Variants in DOCK1 observed in about 807,000 individuals in gnomAD.
DOCK1 encodes the protein dedicator of cytokinesis 1, also known as dedicator of cytokinesis protein 1.
In DOCK1, 138 loss-of-function variants were observed where a neutral mutation model predicts 262.7. The ratio of observed to expected loss-of-function variants is 0.53; its 90% CI spans 0.46 to 0.61. DOCK1 has a LOEUF of 0.61. DOCK1 is among the 20% of genes least tolerant of loss of function. The pLI is 0.00. For synonymous variants in DOCK1, 866 were observed against 867.4 expected (o/e 1.00, Z 0.03); for missense variants, 1,908 against 2,370.7 (o/e 0.80, Z 4.05).
chr10:127,184,892 G>A (rs1409937065), intron 27 of DOCK1, among the ~76,000 whole-genome samples: 4 of 152,198 alleles, frequency 2.6e-5, no homozygotes, highest in Non-Finnish European at 5.9e-5. Flanking sequence ...AACAGTGCAT[G>A]CCTGGGGTGA....
chr10:126,908,312 A>T (rs537400896), intron 1 of DOCK1, among the ~76,000 whole-genome samples: 234 of 152,234 alleles, frequency 1.5e-3, no homozygotes, highest in African/African-American at 5.5e-3. Flanking sequence ...CTAAGGGAAA[A>T]TTACTGGAGG....
intron 12 of DOCK1, chr10:127,016,455 C>G (rs1177081830): frequency 1.3e-5 from 2 of 152,258 alleles, no homozygotes; most frequent in African/African-American, 2.4e-5. Flanking sequence ...CAGGGCTGCT[C>G]CCGTCAGGGA....
At chr10:127,374,268 A>G in intron 35 of DOCK1, 54 bp downstream of exon 35, 1 of 1,552,310 alleles carries the variant, frequency 6.4e-7, no homozygotes, top group Non-Finnish European at 8.7e-7. Flanking sequence ...CCAGAAACTG[A>G]AGCGGGGATT....
intron 26 of DOCK1, among the ~76,000 whole-genome samples, chr10:127,126,836 A>G (rs2049994477): frequency 6.6e-6 from 1 of 152,060 alleles, no homozygotes; most frequent in South Asian, 2.1e-4. Context: ...CCACGCCCAT[A>G]TACCTGGCCA....
Position 127,288,273 on chromosome 10 carries a change from C to A in DOCK1, c.3044+30844C>A, listed in dbSNP as rs547751127. Reference sequence around the variant, plus strand: ...CTGCTTAAGTAGTCTTTGATAATGGCTTTCTTTTTGATGTGACAAAATATC... The same window carrying A: ...CTGCTTAAGTAGTCTTTGATAATGGATTTCTTTTTGATGTGACAAAATATC... On this transcript the variant is annotated intron_variant, in intron 29 of 51. Transcript: ENST00000623213. Among the ~76,000 whole-genome samples the A allele has an allele frequency of 2.0e-5, 3 of 152,252 alleles. No homozygotes were observed. In the South Asian group the frequency reaches 6.2e-4, roughly 32 times the overall value.
intron 23 of DOCK1, among the ~76,000 whole-genome samples, chr10:127,092,824 A>T (rs1487071912): frequency 6.6e-6 from 1 of 152,146 alleles, no homozygotes; most frequent in Non-Finnish European, 1.5e-5. Context: ...ATTGGTCAGA[A>T]ACAGAATGAA....
intron 23 of DOCK1, among the ~76,000 whole-genome samples, chr10:127,089,806 T>A (rs897479164): frequency 2.6e-5 from 4 of 152,252 alleles, no homozygotes; most frequent in African/African-American, 9.6e-5. Context: ...CAACTAGCTT[T>A]TCCTTTGGAG....
chr10:127,429,865 T>A (rs2069166010), intron 47 of DOCK1, among the ~76,000 whole-genome samples: 1 of 151,572 alleles, frequency 6.6e-6, no homozygotes, highest in African/African-American at 2.4e-5. Context: ...GCCCACAGCG[T>A]GCAGGAGGCA....
At chr10:126,963,330 C>T (rs1466631356) in intron 1 of DOCK1, among the ~76,000 whole-genome samples, 1 of 152,104 alleles carries the variant, frequency 6.6e-6, no homozygotes, top group Non-Finnish European at 1.5e-5. Flanking sequence ...ACTCCATGAA[C>T]ACAAATATTT....
At chr10:127,363,135 T>G (rs1026893817) in intron 33 of DOCK1, among the ~76,000 whole-genome samples, 1 of 145,866 alleles carries the variant, frequency 6.9e-6, no homozygotes. Context: ...GTACTAATGG[T>G]TTGGCCATGA....
intron 29 of DOCK1, among the ~76,000 whole-genome samples, chr10:127,322,303 C>T (rs561703388): frequency 2.0e-5 from 3 of 148,922 alleles, no homozygotes; most frequent in Middle Eastern, 3.4e-3. Flanking sequence ...GATCCTCCCG[C>T]CTTAGCCTCC....
At chr10:126,978,099 C>A in intron 3 of DOCK1, 111 bp downstream of exon 3, 1 of 1,080,842 alleles carries the variant, frequency 9.3e-7, no homozygotes, top group Non-Finnish European at 1.4e-6. Flanking sequence ...ATCTCTTTCT[C>A]TGAATTTAAA....
rs2068423592 is a variant in DOCK1, at chr10:127,420,305, G to T, written c.4776+556G>T. Among the ~76,000 whole-genome samples the T allele has an allele frequency of 1.3e-5, 2 of 152,164 alleles. 1 individual carries two copies. The highest frequency in any genetic ancestry group is 2.9e-5 in the Non-Finnish European group (2 of 68,036). The stretch of plus-strand genomic sequence containing the variant: ...CCCAGAGGGCCAGCATCTTGAAAGG[G>T]CAGACCCTGGGTGCCTTGGGTTTAA... On this transcript the variant is annotated intron_variant, in intron 46 of 51. Coordinates refer to ENST00000623213, the MANE Select transcript of DOCK1 (RefSeq NM_001290223.2).
intron 42 of DOCK1, among the ~76,000 whole-genome samples, chr10:127,410,524 A>T (rs985026829): frequency 1.4e-4 from 22 of 152,160 alleles, no homozygotes; most frequent in African/African-American, 5.1e-4. Flanking sequence ...AATAATAAAC[A>T]CATACGTTGA....
At chr10:127,079,567 T>C (rs1029941362) in intron 23 of DOCK1, among the ~76,000 whole-genome samples, 2 of 152,222 alleles carry the variant, frequency 1.3e-5, no homozygotes, top group African/African-American at 4.8e-5. Flanking sequence ...TGGCAGTCAG[T>C]CTTTAGAAGT....
At chr10:127,383,096 G>A (rs571523224) in intron 37 of DOCK1, among the ~76,000 whole-genome samples, 145 of 152,264 alleles carry the variant, frequency 9.5e-4, no homozygotes, top group Non-Finnish European at 6.9e-4. Context: ...ATGTTGTTGC[G>A]AAAATTCTTC....
At chr10:126,956,222 T>C (rs1473472061) in intron 1 of DOCK1, among the ~76,000 whole-genome samples, 1 of 152,214 alleles carries the variant, frequency 6.6e-6, no homozygotes, top group Non-Finnish European at 1.5e-5. Context: ...AGTCAGCATC[T>C]GAGGTGTGCA....
intron 5 of DOCK1, among the ~76,000 whole-genome samples, chr10:126,988,929 T>C (rs1439945955): frequency 2.6e-5 from 4 of 152,036 alleles, no homozygotes; most frequent in Non-Finnish European, 4.4e-5. Context: ...AAAAATTAGC[T>C]GAGCATGGTG....
intron 1 of DOCK1, among the ~76,000 whole-genome samples, chr10:126,907,521 C>T (rs978133310): frequency 3.9e-5 from 6 of 152,046 alleles, no homozygotes; most frequent in African/African-American, 1.2e-4. Flanking sequence ...GAAGTGTGGC[C>T]GCCCTGGGTT....
Sources: gnomAD v4.1 joint callset for allele counts (sites outside exome capture counted in the v4.1 genomes callset) on GRCh38, gnomAD v4.1.1 for gene constraint, MANE v1.5 for transcripts, NCBI Gene and HGNC (gene_info 2026-07-23, HGNC 2026-07-21) for gene names.